The following COG5 variants were observed in gnomAD, a reference collection of about 807,000 sequenced individuals.
COG5 encodes conserved oligomeric Golgi complex subunit 5.
A neutral mutation model predicts 110.4 loss-of-function variants in COG5; 86 were observed. The observed-to-expected ratio is 0.78, with a 90% confidence interval of 0.65 to 0.93. The LOEUF is 0.93. Ranked by LOEUF, COG5 falls within the 40% of genes least tolerant of loss-of-function variation. The pLI is 0.00. For synonymous variants in COG5, 360 were observed against 334.6 expected (o/e 1.08, Z -0.83); for missense variants, 1,077 against 987.0 (o/e 1.09, Z -1.22).
chr7:107,338,887 G>C (rs538855929), intron 10 of COG5, among the ~76,000 whole-genome samples: 17 of 152,054 alleles, frequency 1.1e-4, no homozygotes, highest in Non-Finnish European at 2.4e-4. Flanking sequence ...TCTAACCATG[G>C]AAATGAAAGA....
At chr7:107,295,093 A>C (rs1482476664) in intron 12 of COG5, among the ~76,000 whole-genome samples, 1 of 77,164 alleles carries the variant, frequency 1.3e-5, no homozygotes, top group Non-Finnish European at 2.5e-5. Flanking sequence ...ATATATATAT[A>C]TATATATATT....
chr7:107,263,580 C>A (rs963922713), intron 14 of COG5, among the ~76,000 whole-genome samples: 1 of 152,066 alleles, frequency 6.6e-6, no homozygotes, highest in Non-Finnish European at 1.5e-5. Context: ...CACACACACA[C>A]GTGCAGACAC....
intron 6 of COG5, among the ~76,000 whole-genome samples, chr7:107,442,518 C>G (rs1347216214): frequency 1.3e-5 from 2 of 149,564 alleles, no homozygotes; most frequent in Admixed American, 6.7e-5. Context: ...TACTTATGCA[C>G]TAAAGGTAAA....
intron 11 of COG5, among the ~76,000 whole-genome samples, chr7:107,306,551 A>G (rs1477531119): frequency 2.0e-5 from 3 of 152,190 alleles, no homozygotes; most frequent in Admixed American, 6.5e-5. Context: ...ATGAATGAAA[A>G]TATCTGTCTA....
At chr7:107,379,371 T>C (rs2129052513) in intron 7 of COG5, among the ~76,000 whole-genome samples, 1 of 152,002 alleles carries the variant, frequency 6.6e-6, no homozygotes, top group Admixed American at 6.6e-5. Flanking sequence ...AATTAACAGG[T>C]AAAATAACCA....
Position 107,230,688 on chromosome 7 carries a change from C to T in COG5, c.2095G>A (p.Glu699Lys). 6.2e-7 allele frequency: 1 copy of T among 1,607,562 alleles called. No individual in the cohort carries two copies. The highest frequency in any genetic ancestry group is 1.1e-5 in the South Asian group (1 of 90,968). ...MRLAADFAQM[E>K]LAVGPFCRRV... The stretch of plus-strand genomic sequence containing the variant: ...CTACAGAATGGACCCACAGCCAACT[C>T]CATCTGAAATATTAAAATATACTCC... The change falls in exon 19 of 22, where the codon GAG becomes AAG. Residue 699 changes from glutamate (E) to lysine (K), a missense_variant. Coordinates refer to ENST00000297135, the MANE Select transcript of COG5 (RefSeq NM_006348.5).
intron 12 of COG5, among the ~76,000 whole-genome samples, chr7:107,294,483 G>A (rs1184772678): frequency 6.6e-6 from 1 of 152,112 alleles, no homozygotes; most frequent in Non-Finnish European, 1.5e-5. Context: ...ATAGCAGTCA[G>A]AGTGCTAATT....
intron 10 of COG5, among the ~76,000 whole-genome samples, chr7:107,351,729 A>G (rs895652724): frequency 5.3e-4 from 80 of 152,156 alleles, no homozygotes; most frequent in Non-Finnish European, 9.1e-4. Context: ...ATCACTGGTC[A>G]TCAGAGAAAT....
At chr7:107,306,267 C>A (rs116758898) in intron 11 of COG5, among the ~76,000 whole-genome samples, 2,237 of 152,120 alleles carry the variant, frequency 0.015, 53 homozygotes, top group African/African-American at 0.052. Context: ...ATAAGAGTAC[C>A]AGAACAAAAC....
chr7:107,254,669 G>A (rs932271307), intron 16 of COG5, among the ~76,000 whole-genome samples: 3 of 152,100 alleles, frequency 2.0e-5, no homozygotes, highest in African/African-American at 7.2e-5. Flanking sequence ...AATTTTCCCT[G>A]CACTGACTCC....
chr7:107,383,927 G>C lies in COG5; in HGVS notation c.670-11167C>G, dbSNP rs115310332. The stretch of plus-strand genomic sequence containing the variant: ...TCACTGGCTTAGGGTTAAGCTCAGG[G>C]GAAGAGATCCCAGAAGCCCAACATA... On this transcript the variant is annotated intron_variant, in intron 7 of 21. Coordinates refer to ENST00000297135, the MANE Select transcript of COG5 (RefSeq NM_006348.5). Among the ~76,000 whole-genome samples the C allele has an allele frequency of 5.4e-3, 828 of 152,230 alleles. 9 individuals carry two copies. Among genetic ancestry groups the C allele is most frequent in the African/African-American group, 0.019 (806 of 41,526 alleles).
chr7:107,234,302 T>C (rs1800996963), intron 18 of COG5, among the ~76,000 whole-genome samples: 1 of 152,184 alleles, frequency 6.6e-6, no homozygotes, highest in South Asian at 2.1e-4. Context: ...TAATAATGAC[T>C]GATGAGTTTA....
Position 107,555,199 on chromosome 7 carries a change from T to C in COG5, c.235-857A>G, listed in dbSNP as rs1026979977. 7.2e-5 allele frequency among the ~76,000 whole-genome samples: 11 copies of C among 152,254 alleles called. No homozygotes were observed. The South Asian group carries it at 2.3e-3, about 32-fold the overall frequency. ...AGATGTTTGATACTTTTATGAAAAT[T>C]AGGGCACTGCAGATGGCCAGAACAA... On this transcript the variant is annotated intron_variant, in intron 2 of 21. Coordinates refer to ENST00000297135, the MANE Select transcript of COG5 (RefSeq NM_006348.5).
intron 6 of COG5, among the ~76,000 whole-genome samples, chr7:107,524,344 T>C (rs933326802): frequency 9.9e-5 from 15 of 152,240 alleles, no homozygotes; most frequent in Non-Finnish European, 1.9e-4. Flanking sequence ...GTATTTCATC[T>C]GGGTGTCCCA....
At chr7:107,508,726 A>T (rs964989927) in intron 6 of COG5, among the ~76,000 whole-genome samples, 2 of 152,146 alleles carry the variant, frequency 1.3e-5, no homozygotes, top group African/African-American at 2.4e-5. Context: ...GTTCACCAAC[A>T]TCCACTGTTC....
At chr7:107,555,735 G>C (rs1803264657) in intron 2 of COG5, among the ~76,000 whole-genome samples, 2 of 151,964 alleles carry the variant, frequency 1.3e-5, no homozygotes, top group South Asian at 4.2e-4. Flanking sequence ...AGCTAGGCTG[G>C]GCACGGTGGC....
chr7:107,255,190 A>G lies in COG5; in HGVS notation c.1749+1542T>C, dbSNP rs567695246. Among the ~76,000 whole-genome samples, 10 of 152,322 alleles carry G rather than the reference A, an allele frequency of 6.6e-5. No individual in the cohort carries two copies. The East Asian group carries it at 1.7e-3, about 26-fold the overall frequency. On this transcript the variant is annotated intron_variant, in intron 16 of 21. Coordinates refer to ENST00000297135, the MANE Select transcript of COG5 (RefSeq NM_006348.5). ...GAGTATCCATTCCCGGTCTGGAACC[A>G]AGAATGTTAAGACTTTAAGATTTGT...
intron 6 of COG5, among the ~76,000 whole-genome samples, chr7:107,483,099 A>T (rs1177247339): frequency 6.6e-6 from 1 of 152,182 alleles, no homozygotes; most frequent in Non-Finnish European, 1.5e-5. Flanking sequence ...TTGTACCATT[A>T]ATGCAATTTA....
chr7:107,345,812 C>T (rs968657729), intron 10 of COG5, among the ~76,000 whole-genome samples: 2 of 152,046 alleles, frequency 1.3e-5, no homozygotes, highest in African/African-American at 2.4e-5. Context: ...TTTATATGCC[C>T]ACCTAAGAGT....
Sources: allele counts gnomAD v4.1 joint callset (sites outside exome capture counted in the v4.1 genomes callset), GRCh38; gene constraint gnomAD v4.1.1; transcripts MANE v1.5; gene names NCBI Gene and HGNC (gene_info 2026-07-23, HGNC 2026-07-21).